The following AGBL4 variants were observed in gnomAD, a reference collection of about 807,000 sequenced individuals.
AGBL4 encodes AGBL carboxypeptidase 4, also known as cytosolic carboxypeptidase 6.
In AGBL4, 58 loss-of-function variants were observed where a neutral mutation model predicts 66.4. The observed-to-expected ratio is 0.87, with a 90% CI of 0.71 to 1.09. AGBL4 has a LOEUF of 1.09. AGBL4 is among the 50% of genes least tolerant of loss of function. The pLI is 0.00. For missense variants in AGBL4, 579 were observed against 631.0 expected (o/e 0.92, Z 0.88); for synonymous variants, 234 against 222.9 (o/e 1.05, Z -0.44).
intron 4 of AGBL4, among the ~76,000 whole-genome samples, chr1:49,196,774 T>G (rs1438036377): frequency 1.3e-5 from 2 of 152,122 alleles, no homozygotes; most frequent in Admixed American, 1.3e-4. Context: ...TATTATAATG[T>G]ATTTTTTGTT....
rs148560470 is a variant in AGBL4, at chr1:49,301,101, T to C, written c.283-55237A>G. On this transcript the variant is annotated intron_variant, in intron 3 of 13. Coordinates refer to ENST00000371839, the MANE Select transcript of AGBL4 (RefSeq NM_032785.4). ...ATGTTTGAAAACTTAATAAGAAAGGTCCATAAATGACCTTTGATTGGTATG... is the reference window on the plus strand; with the variant it reads ...ATGTTTGAAAACTTAATAAGAAAGGCCCATAAATGACCTTTGATTGGTATG... Among the ~76,000 whole-genome samples, 620 of 152,276 alleles carry C rather than the reference T, an allele frequency of 4.1e-3. 4 individuals are homozygous for C. The highest frequency in any genetic ancestry group is 0.014 in the African/African-American group (583 of 41,552).
intron 2 of AGBL4, among the ~76,000 whole-genome samples, chr1:49,840,902 A>T (rs1347518835): frequency 6.6e-6 from 1 of 152,218 alleles, no homozygotes; most frequent in Non-Finnish European, 1.5e-5. Flanking sequence ...CACCATACTG[A>T]ATAGGAATAA....
intron 5 of AGBL4, among the ~76,000 whole-genome samples, chr1:48,964,233 G>A (rs17105327): frequency 0.029 from 4,342 of 152,254 alleles, 72 homozygotes; most frequent in Non-Finnish European, 0.043. Context: ...TGCCATACCT[G>A]AGCCAGTTCT....
At chr1:49,921,480 G>C (rs1371506243) in intron 1 of AGBL4, among the ~76,000 whole-genome samples, 1 of 152,074 alleles carries the variant, frequency 6.6e-6, no homozygotes, top group Non-Finnish European at 1.5e-5. Flanking sequence ...ATTTGAAAGG[G>C]AGTTTATTAG....
At chr1:49,027,832 T>C (rs1184691872) in intron 5 of AGBL4, among the ~76,000 whole-genome samples, 2 of 152,110 alleles carry the variant, frequency 1.3e-5, no homozygotes, top group African/African-American at 4.8e-5. Flanking sequence ...GCCCAGCTAA[T>C]TTGCAGGACA....
intron 4 of AGBL4, among the ~76,000 whole-genome samples, chr1:49,053,575 T>G (rs1444908885): frequency 6.6e-6 from 1 of 152,112 alleles, no homozygotes. Context: ...GAATTTGAAA[T>G]ATGCCTGGGA....
chr1:49,613,679 A>C (rs1645197882), intron 3 of AGBL4, among the ~76,000 whole-genome samples: 1 of 152,172 alleles, frequency 6.6e-6, no homozygotes, highest in African/African-American at 2.4e-5. Context: ...TCACCCCCAG[A>C]TGGGACCATA....
intron 6 of AGBL4, among the ~76,000 whole-genome samples, chr1:48,690,872 T>C (rs1646618865): frequency 6.6e-6 from 1 of 152,144 alleles, no homozygotes; most frequent in Admixed American, 6.5e-5. Context: ...TTAACTTTAA[T>C]ATATTTTATT....
At chr1:49,287,449 T>C (rs1211456181) in intron 3 of AGBL4, among the ~76,000 whole-genome samples, 2 of 148,210 alleles carry the variant, frequency 1.3e-5, no homozygotes. Context: ...GGAGAAAATT[T>C]TCGCAACCTA....
At chr1:49,259,311 A>C (rs1317418338) in intron 3 of AGBL4, among the ~76,000 whole-genome samples, 1 of 152,182 alleles carries the variant, frequency 6.6e-6, no homozygotes, top group African/African-American at 2.4e-5. Flanking sequence ...TAACAATATT[A>C]ACTTTAAATG....
At chr1:48,942,308 G>T (rs1656047603) in intron 5 of AGBL4, among the ~76,000 whole-genome samples, 1 of 84,136 alleles carries the variant, frequency 1.2e-5, no homozygotes, top group East Asian at 2.8e-4. Context: ...GAATTATTGT[G>T]GTGGGGGGGG....
In AGBL4 at chr1:48,874,956, G is replaced by A. The variant is rs185896682; in HGVS notation, c.595-7726C>T. Among the ~76,000 whole-genome samples, 277 of 152,182 alleles carry A rather than the reference G, an allele frequency of 1.8e-3. 1 individual carries two copies. The highest frequency in any genetic ancestry group is 6.4e-3 in the African/African-American group (267 of 41,500). The stretch of plus-strand genomic sequence containing the variant: ...CCTCTCCTTTTGCTGAACAACTGAT[G>A]GGCAGCATGGCTTTCCCAGATAACA... On this transcript the variant is annotated intron_variant, in intron 5 of 13. Transcript: ENST00000371839.
intron 5 of AGBL4, among the ~76,000 whole-genome samples, chr1:48,970,365 G>C (rs1363604859): frequency 6.6e-6 from 1 of 152,180 alleles, no homozygotes. Flanking sequence ...AAACAAAGGA[G>C]TTAATCAAGA....
intron 7 of AGBL4, among the ~76,000 whole-genome samples, chr1:48,660,184 C>T (rs1296323752): frequency 6.6e-6 from 1 of 152,130 alleles, no homozygotes. Flanking sequence ...AGTAAGCATC[C>T]CACCAACAAG....
intron 2 of AGBL4, among the ~76,000 whole-genome samples, chr1:49,817,843 T>C (rs1645270118): frequency 6.6e-6 from 1 of 152,198 alleles, no homozygotes; most frequent in South Asian, 2.1e-4. Flanking sequence ...AAGTAATGCA[T>C]TTACTGGAAA....
Position 49,499,529 on chromosome 1 carries a change from C to T in AGBL4, c.282+197784G>A, listed in dbSNP as rs376285386. Among the ~76,000 whole-genome samples, 240 of 151,806 alleles carry T rather than the reference C, an allele frequency of 1.6e-3. 2 individuals are homozygous for T. Among genetic ancestry groups the T allele is most frequent in the African/African-American group, 4.9e-3 (204 of 41,462 alleles). ...CACTCACCCCCTTCCAGCCTCCCCC[C>T]AAGTCCCCAGAGTCCATTACATCAT... On this transcript the variant is annotated intron_variant, in intron 3 of 13. Coordinates refer to ENST00000371839, the MANE Select transcript of AGBL4 (RefSeq NM_032785.4).
chr1:49,260,414 G>A (rs1653017181), intron 3 of AGBL4, among the ~76,000 whole-genome samples: 1 of 151,768 alleles, frequency 6.6e-6, no homozygotes, highest in South Asian at 2.1e-4. Flanking sequence ...CCGCTAGCAA[G>A]ACTAATAAAG....
intron 2 of AGBL4, among the ~76,000 whole-genome samples, chr1:49,741,073 G>A (rs1650409168): frequency 8.2e-6 from 1 of 122,224 alleles, no homozygotes; most frequent in Non-Finnish European, 2.1e-5. Context: ...AGTAGATAGA[G>A]ACATAAAAAA....
At position 49,300,359 on chromosome 1, in the gene AGBL4, T is replaced by C. The variant is rs143712682; in HGVS notation, c.283-54495A>G. On this transcript the variant is annotated intron_variant, in intron 3 of 13. Transcript: ENST00000371839. ...GTTCATTAATTGGTAAAATGGGAAA[T>C]GATAATTTCTTTCTGCAATGTTATA... Among the ~76,000 whole-genome samples the C allele has an allele frequency of 5.8e-3, 877 of 152,244 alleles. 6 individuals are homozygous for C. The highest frequency in any genetic ancestry group is 0.02 in the African/African-American group (840 of 41,558).
Sources: gnomAD v4.1 joint callset for allele counts (sites outside exome capture counted in the v4.1 genomes callset) on GRCh38, gnomAD v4.1.1 for gene constraint, MANE v1.5 for transcripts, NCBI Gene and HGNC (gene_info 2026-07-23, HGNC 2026-07-21) for gene names.